LRBA: variants seen among roughly 807,000 people sequenced by gnomAD.
The protein encoded by LRBA is lipopolysaccharide-responsive and beige-like anchor protein.
LRBA carries 176 observed loss-of-function variants against 330.0 expected under a neutral mutation model. The observed-to-expected ratio is 0.53, with a 90% confidence interval of 0.47 to 0.60. The LOEUF is 0.60. Among genes scored for constraint, LRBA ranks in the 20% least tolerant of loss-of-function variants. LRBA has a pLI of 0.00. For missense variants in LRBA, 3,259 were observed against 3,444.8 expected (o/e 0.95, Z 1.35); for synonymous variants, 1,230 against 1,193.0 (o/e 1.03, Z -0.64).
At chr4:150,268,022 T>C (rs1745585975) in intron 56 of LRBA, among the ~76,000 whole-genome samples, 1 of 148,484 alleles carries the variant, frequency 6.7e-6, no homozygotes, top group African/African-American at 2.5e-5. Context: ...ATTGCACCAT[T>C]GCACTCCAGC....
intron 36 of LRBA, among the ~76,000 whole-genome samples, chr4:150,691,337 T>C (rs1784122557): frequency 6.6e-6 from 1 of 152,192 alleles, no homozygotes; most frequent in Non-Finnish European, 1.5e-5. Context: ...TTACAGAATA[T>C]ATAAAGAATT....
intron 48 of LRBA, among the ~76,000 whole-genome samples, chr4:150,332,799 A>G (rs186028891): frequency 7.9e-4 from 120 of 152,306 alleles, no homozygotes; most frequent in Non-Finnish European, 1.0e-3. Context: ...AGTAATAAAA[A>G]AGACTATGCA....
chr4:150,555,229 C>T lies in LRBA; in HGVS notation c.6330+32819G>A, dbSNP rs17504896. Among the ~76,000 whole-genome samples the T allele has an allele frequency of 8.3e-3, 1,269 of 152,198 alleles. 11 individuals carry two copies. Among genetic ancestry groups the T allele is most frequent in the Non-Finnish European group, 0.013 (885 of 67,996 alleles). On this transcript the variant is annotated intron_variant, in intron 40 of 56. Coordinates refer to ENST00000651943, the MANE Select transcript of LRBA (RefSeq NM_001364905.1). ...AGTTGTTTAATTGTATAAAGAAATGCTATCACCCACACACATATAATACTA... is the reference window on the plus strand; with the variant it reads ...AGTTGTTTAATTGTATAAAGAAATGTTATCACCCACACACATATAATACTA...
chr4:150,535,741 T>C (rs1313667879), intron 40 of LRBA, among the ~76,000 whole-genome samples: 1 of 152,194 alleles, frequency 6.6e-6, no homozygotes, highest in Non-Finnish European at 1.5e-5. Context: ...GTTTCCTAAA[T>C]AACCTAAAAG....
At chr4:150,580,423 T>C (rs997914661) in intron 40 of LRBA, 1 of 152,070 alleles carries the variant, frequency 6.6e-6, no homozygotes, top group Non-Finnish European at 1.5e-5. Context: ...TGATACCAAG[T>C]AGATAGAAAG....
intron 36 of LRBA, among the ~76,000 whole-genome samples, chr4:150,720,023 T>G (rs1728720868): frequency 6.6e-6 from 1 of 152,144 alleles, no homozygotes; most frequent in African/African-American, 2.4e-5. Context: ...TCAAATAAGC[T>G]CTTCCTCTTC....
chr4:150,882,080 C>G (rs1171002671), intron 17 of LRBA, among the ~76,000 whole-genome samples: 3 of 150,746 alleles, frequency 2.0e-5, no homozygotes, highest in Non-Finnish European at 4.4e-5. Flanking sequence ...GAGCAAAACT[C>G]TGTCTCAAAA....
intron 47 of LRBA, among the ~76,000 whole-genome samples, chr4:150,388,623 G>A (rs1314994586): frequency 1.3e-5 from 2 of 152,182 alleles, no homozygotes; most frequent in African/African-American, 2.4e-5. Flanking sequence ...CTAAATAGAA[G>A]AAGTAGGAAA....
chr4:150,282,214 C>A lies in LRBA; in HGVS notation c.8316+236G>T, dbSNP rs140172267. On this transcript the variant is annotated intron_variant, in intron 55 of 56. Coordinates refer to ENST00000651943, the MANE Select transcript of LRBA (RefSeq NM_001364905.1). ...TCAGAAGCCCCTAAGAAAACCTCTT[C>A]TATTGAAGGACCGTCCTCAGCTGCG... Among the ~76,000 whole-genome samples the A allele has an allele frequency of 6.6e-5, 10 of 152,340 alleles. No individual in the cohort carries two copies. In the South Asian group the frequency reaches 8.3e-4, roughly 13 times the overall value.
At chr4:150,562,062 C>T (rs919778493) in intron 40 of LRBA, among the ~76,000 whole-genome samples, 2 of 151,482 alleles carry the variant, frequency 1.3e-5, no homozygotes, top group African/African-American at 4.9e-5. Flanking sequence ...CCCTAGATGT[C>T]CACTATTCTC....
intron 48 of LRBA, among the ~76,000 whole-genome samples, chr4:150,327,658 C>T (rs1048353684): frequency 6.6e-6 from 1 of 152,150 alleles, no homozygotes; most frequent in South Asian, 2.1e-4. Flanking sequence ...TTCCCATCTA[C>T]AAAGAGATAG....
At chr4:150,296,218 C>G (rs919593398) in intron 53 of LRBA, among the ~76,000 whole-genome samples, 1 of 152,080 alleles carries the variant, frequency 6.6e-6, no homozygotes, top group African/African-American at 2.4e-5. Context: ...ACTCTGAAAA[C>G]TATAGAGGAG....
chr4:150,994,064 CAA>C (rs538401022), intron 2 of LRBA, among the ~76,000 whole-genome samples: 53 of 82,266 alleles, frequency 6.4e-4, no homozygotes, highest in Admixed American at 8.2e-4. Flanking sequence ...GACTCTGTCT[CAA>C]AAAAAAAAAA....
chr4:150,349,005 C>T (rs558216416), intron 48 of LRBA, among the ~76,000 whole-genome samples: 2 of 152,258 alleles, frequency 1.3e-5, no homozygotes, highest in South Asian at 2.1e-4. Context: ...TTCTCTGCTA[C>T]CACAGTTTTT....
chr4:150,371,181 A>ATTTTTTT (rs1274384749), intron 47 of LRBA, among the ~76,000 whole-genome samples: 5 of 136,754 alleles, frequency 3.7e-5, no homozygotes, highest in African/African-American at 1.6e-4. Flanking sequence ...CAAGCTACTA[A>ATTTTTTT]ATTTTTTTTT....
chr4:150,412,053 T>G (rs1427815501), intron 47 of LRBA, among the ~76,000 whole-genome samples: 1 of 152,170 alleles, frequency 6.6e-6, no homozygotes. Flanking sequence ...GTAAAATAAA[T>G]ATTTTGAATG....
intron 30 of LRBA, among the ~76,000 whole-genome samples, chr4:150,821,211 A>T (rs1024858699): frequency 6.6e-6 from 1 of 152,148 alleles, no homozygotes; most frequent in African/African-American, 2.4e-5. Flanking sequence ...AAGATAGACA[A>T]CCAATTATGC....
intron 42 of LRBA, among the ~76,000 whole-genome samples, chr4:150,486,093 GAC>G (rs963425886): frequency 6.6e-6 from 1 of 151,668 alleles, no homozygotes; most frequent in African/African-American, 2.4e-5. Flanking sequence ...TCTCACCACA[GAC>G]ACACACACAA....
intron 17 of LRBA, among the ~76,000 whole-genome samples, chr4:150,886,097 TA>T (rs1728912018): frequency 1.3e-5 from 2 of 152,108 alleles, no homozygotes; most frequent in African/African-American, 4.8e-5. Context: ...AATAAAATTA[TA>T]GGGGAAAAAA....
Sources: gnomAD v4.1 joint callset for allele counts (sites outside exome capture counted in the v4.1 genomes callset) on GRCh38, gnomAD v4.1.1 for gene constraint, MANE v1.5 for transcripts, NCBI Gene and HGNC (gene_info 2026-07-23, HGNC 2026-07-21) for gene names.